The following ACOT11 variants were observed in gnomAD, a reference collection of about 807,000 sequenced individuals.
The protein encoded by ACOT11 is acyl-coenzyme A thioesterase 11.
ACOT11 carries 69 observed loss-of-function variants against 77.5 expected under a neutral mutation model. The observed-to-expected ratio is 0.89, with a 90% CI of 0.73 to 1.09. The LOEUF (loss-of-function observed/expected upper bound fraction) is 1.09. Among genes scored for constraint, ACOT11 ranks in the 50% least tolerant of loss-of-function variants. The pLI, the probability that ACOT11 is intolerant of heterozygous loss-of-function variation, is 0.00. For synonymous variants in ACOT11, 279 were observed against 313.0 expected, an observed-to-expected ratio of 0.89 and a Z score of 1.15; for missense variants, 766 against 813.7, an observed-to-expected ratio of 0.94 and a Z score of 0.71.
rs115709446 is a variant in ACOT11 at position 54,600,474 on chromosome 1, G to A, written c.885-795G>A. Among the ~76,000 whole-genome samples, 782 of 152,214 alleles carry A rather than the reference G, an allele frequency of 5.1e-3. 9 individuals carry two copies. Among genetic ancestry groups the A allele is most frequent in the African/African-American group, 0.017 (719 of 41,528 alleles). On this transcript the variant is annotated intron_variant, in intron 8 of 15. Transcript: ENST00000343744. ...GAGGCAGGAAGATCACTTACGGCTC[G>A]GAGTTCAAGACTATCCTGGCCAACA...
At chr1:54,569,460 G>A (rs1288507067) in intron 1 of ACOT11, among the ~76,000 whole-genome samples, 3 of 152,066 alleles carry the variant, frequency 2.0e-5, no homozygotes, top group Non-Finnish European at 4.4e-5. Context: ...TCCCTCCGAC[G>A]GCCTGGTTGT....
At chr1:54,561,939 C>T (rs1334592418) in intron 1 of ACOT11, among the ~76,000 whole-genome samples, 2 of 84,658 alleles carry the variant, frequency 2.4e-5, no homozygotes, top group African/African-American at 7.6e-5. Flanking sequence ...CCCTCCCGGA[C>T]GGGGCGGCTG....
At chr1:54,612,684 T>C, downstream of ACOT11, 3 of 1,613,938 alleles carry the variant, frequency 1.9e-6, no homozygotes, top group Non-Finnish European at 2.5e-6. Context: ...AGCCTTGGGA[T>C]ACTTCTCCTG....
In ACOT11 at chr1:54,609,916, G is replaced by A. The variant is rs1343380230; in HGVS notation, c.*804G>A. 6.2e-7 allele frequency: 1 copy of A among 1,608,030 alleles called. No individual in the cohort carries two copies. The highest frequency in any genetic ancestry group is 1.7e-5 in the Admixed American group (1 of 60,004). ...CAGCCACAGTTCCCTCGAGGCCAGT[G>A]TTCAGCAGGATCATGCCTTCTGTGT... On this transcript the variant is annotated 3_prime_UTR_variant, in exon 16 of 16. Transcript: ENST00000343744.
intron 1 of ACOT11, among the ~76,000 whole-genome samples, chr1:54,562,272 C>T (rs1189161887): frequency 1.7e-5 from 2 of 115,896 alleles, no homozygotes; most frequent in Non-Finnish European, 1.8e-5. Flanking sequence ...GGGGGGCTGA[C>T]CCCCCACCTC....
chr1:54,604,023 G>A, intron 11 of ACOT11, 86 bp downstream of exon 11: 2 of 1,251,048 alleles, frequency 1.6e-6, no homozygotes, highest in Admixed American at 3.5e-5. Flanking sequence ...TTGGAGGAAG[G>A]CCGGGGAGAG....
intron 1 of ACOT11, among the ~76,000 whole-genome samples, chr1:54,571,072 T>TCTCTCTCTCTC (rs574505216): frequency 1.0e-5 from 1 of 96,466 alleles, no homozygotes; most frequent in African/African-American, 1.0e-4. Flanking sequence ...TCTCTCTCTC[T>TCTCTCTCTCTC]TTTTTTTTTT....
At chr1:54,616,795 A>T (rs1361077973) in intron 15 of ACOT11, among the ~76,000 whole-genome samples, 1 of 152,166 alleles carries the variant, frequency 6.6e-6, no homozygotes, top group Non-Finnish European at 1.5e-5. Flanking sequence ...CAAGGCAAAA[A>T]AGCAAAAAGC....
chr1:54,634,766 T>A, exon 17 of ACOT11: 1 of 701,374 alleles, frequency 1.4e-6, no homozygotes. Flanking sequence ...GAAGAGACTC[T>A]GGGAGGATCC....
chr1:54,587,682 C>T (rs986616421), intron 3 of ACOT11, among the ~76,000 whole-genome samples: 11 of 147,458 alleles, frequency 7.5e-5, no homozygotes, highest in African/African-American at 2.5e-4. Flanking sequence ...CTGCCTCAGC[C>T]TCTTGAGTAG....
In ACOT11 at chr1:54,609,303, G is replaced by A. The variant is rs1214812283; in HGVS notation, c.*191G>A. The stretch of plus-strand genomic sequence containing the variant: ...CCAACATGAGCCAGCAAGTCCTTGT[G>A]GTAGCCCTGGGGTAGCCTGTAGTAG... On this transcript the variant is annotated 3_prime_UTR_variant, in exon 16 of 16. Transcript: ENST00000343744. 2 of 1,610,390 alleles carry A rather than the reference G, an allele frequency of 1.2e-6. No individual in the cohort carries two copies. Among genetic ancestry groups the A allele is most frequent in the Non-Finnish European group, 1.7e-6 (2 of 1,177,254 alleles).
intron 1 of ACOT11, among the ~76,000 whole-genome samples, chr1:54,577,722 T>C (rs558863015): frequency 6.6e-6 from 1 of 152,376 alleles, no homozygotes; most frequent in African/African-American, 2.4e-5. Flanking sequence ...GTTTAACTTT[T>C]TGAAGAACTG....
At chr1:54,577,165 CTT>C (rs1402277977) in intron 1 of ACOT11, among the ~76,000 whole-genome samples, 1 of 152,050 alleles carries the variant, frequency 6.6e-6, no homozygotes, top group Admixed American at 6.6e-5. Context: ...ATAATGTAAA[CTT>C]AACCATTTTA....
rs144775621 is a variant in ACOT11 at position 54,618,279 on chromosome 1, G to A, written c.1629+10211G>A. Among the ~76,000 whole-genome samples, 320 of 152,242 alleles carry A rather than the reference G, an allele frequency of 2.1e-3. 2 individuals are homozygous for A. Among genetic ancestry groups the A allele is most frequent in the Middle Eastern group, 0.01 (3 of 294 alleles). On this transcript the variant is annotated intron_variant, in intron 15 of 16. Coordinates refer to the ACOT11 transcript ENST00000371316. ...AGCACTTTGGGAGCCCGAGAAGGGC[G>A]GATCACTTGAGTTTAGGAGTTCGAG...
intron 8 of ACOT11, among the ~76,000 whole-genome samples, 164 bp from the exon 9 acceptor site, chr1:54,601,103 ATG>A (rs1643956276): frequency 6.9e-6 from 1 of 144,782 alleles, no homozygotes; most frequent in African/African-American, 2.6e-5. Context: ...ATGTGTGTGT[ATG>A]TGTGTGCATA....
intron 1 of ACOT11, among the ~76,000 whole-genome samples, chr1:54,576,053 C>T (rs1654103797): frequency 6.6e-6 from 1 of 152,284 alleles, no homozygotes; most frequent in South Asian, 2.1e-4. Flanking sequence ...CTCAAATCCA[C>T]CTCCCTGGGG....
chr1:54,563,337 GA>G (rs1653618750), intron 1 of ACOT11, among the ~76,000 whole-genome samples: 1 of 152,114 alleles, frequency 6.6e-6, no homozygotes, highest in Non-Finnish European at 1.5e-5. Context: ...TTGGTATTGA[GA>G]AAAGCGAAAT....
Position 54,603,965 on chromosome 1 carries a change from T to C in ACOT11, c.1152+28T>C, listed in dbSNP as rs375659981. 8 of 1,609,068 alleles carry C rather than the reference T, an allele frequency of 5.0e-6. No individual in the cohort carries two copies. The African/African-American group carries it at 1.1e-4, about 21-fold the overall frequency. On this transcript the variant is annotated intron_variant, in intron 11 of 15. Transcript: ENST00000343744. The stretch of plus-strand genomic sequence containing the variant: ...AAGGCTCTCTGCTCCGAGAGGACAG[T>C]CTTCAGACCCACCGGGCCCCCACCC...
chr1:54,564,454 A>G (rs1253027238), intron 1 of ACOT11, among the ~76,000 whole-genome samples: 8 of 151,456 alleles, frequency 5.3e-5, no homozygotes, highest in Non-Finnish European at 1.2e-4. Flanking sequence ...CGACCTCTAG[A>G]ATAGGCTGTG....
Sources: allele counts gnomAD v4.1 joint callset (sites outside exome capture counted in the v4.1 genomes callset), GRCh38; gene constraint gnomAD v4.1.1; transcripts MANE v1.5; gene names NCBI Gene and HGNC (gene_info 2026-07-23, HGNC 2026-07-21).